Variants in FMNL2 observed in about 807,000 individuals in gnomAD.
FMNL2 encodes formin-like protein 2.
FMNL2 carries 51 observed loss-of-function variants against 130.2 expected under a neutral mutation model. That is an observed-to-expected ratio of 0.39 (90% confidence interval 0.31 to 0.49). The LOEUF is 0.49. Among genes scored for constraint, FMNL2 ranks in the 20% least tolerant of loss-of-function variants. The probability of loss-of-function intolerance (pLI) is 0.85; values close to 1 mark genes in which losing one functional copy is unlikely to be tolerated. For synonymous variants in FMNL2, 465 were observed against 467.1 expected, an observed-to-expected ratio of 1.00 and a Z score of 0.06; for missense variants, 977 against 1,316.2, an observed-to-expected ratio of 0.74 and a Z score of 3.99.
intron 1 of FMNL2, among the ~76,000 whole-genome samples, chr2:152,455,571 G>C (rs1558877627): frequency 6.6e-6 from 1 of 152,088 alleles, no homozygotes; most frequent in African/African-American, 2.4e-5. Flanking sequence ...CCACAGGCTG[G>C]GTGCTGTACT....
rs143386277 is a variant in FMNL2 at position 152,531,171 on chromosome 2, G to A, written c.201+9145G>A. 4.9e-3 allele frequency among the ~76,000 whole-genome samples: 742 copies of A among 152,262 alleles called. 5 individuals are homozygous for A. The highest frequency in any genetic ancestry group is 0.017 in the African/African-American group (717 of 41,540). ...ATATATGTACCCATATTTTCAGATAGAGTATAACTTCAAGTCAGTCTAAAA... is the reference window on the plus strand; with the variant it reads ...ATATATGTACCCATATTTTCAGATAAAGTATAACTTCAAGTCAGTCTAAAA... On this transcript the variant is annotated intron_variant, in intron 2 of 25. Coordinates refer to ENST00000288670, the MANE Select transcript of FMNL2 (RefSeq NM_052905.4).
intron 23 of FMNL2, among the ~76,000 whole-genome samples, chr2:152,639,443 C>A (rs2105962721): frequency 6.6e-6 from 1 of 152,328 alleles, no homozygotes; most frequent in East Asian, 1.9e-4. Flanking sequence ...TATTCACTTT[C>A]TTCTAGATTC....
At chr2:152,396,777 A>G (rs767674454) in intron 1 of FMNL2, among the ~76,000 whole-genome samples, 1 of 152,218 alleles carries the variant, frequency 6.6e-6, no homozygotes, top group South Asian at 2.1e-4. Flanking sequence ...TCTTAAATTC[A>G]TGCTCATGTG....
intron 1 of FMNL2, among the ~76,000 whole-genome samples, chr2:152,477,699 A>G (rs901187384): frequency 2.0e-5 from 3 of 152,222 alleles, no homozygotes; most frequent in Non-Finnish European, 2.9e-5. Context: ...AATTAGAACA[A>G]AACAAAACAG....
At chr2:152,401,656 TAGGTCAGTGGAGGGG>T (rs1465932863) in intron 1 of FMNL2, among the ~76,000 whole-genome samples, 2 of 152,288 alleles carry the variant, frequency 1.3e-5, no homozygotes, top group African/African-American at 4.8e-5. Flanking sequence ...GTGTGCTTGT[TAGGTCAGTGGAGGGG>T]AGGCTGTTGA....
At chr2:152,457,672 A>G (rs572193960) in intron 1 of FMNL2, among the ~76,000 whole-genome samples, 5 of 152,376 alleles carry the variant, frequency 3.3e-5, no homozygotes, top group African/African-American at 1.2e-4. Context: ...GGAACAAATT[A>G]CCACACATTT....
chr2:152,381,011 G>A (rs183267692), intron 1 of FMNL2, among the ~76,000 whole-genome samples: 58 of 152,268 alleles, frequency 3.8e-4, no homozygotes, highest in African/African-American at 1.2e-3. Flanking sequence ...GCTTTTGCTA[G>A]GTGCCTAATA....
intron 1 of FMNL2, among the ~76,000 whole-genome samples, chr2:152,438,921 T>G (rs754233202): frequency 1.3e-5 from 2 of 152,210 alleles, no homozygotes; most frequent in African/African-American, 2.4e-5. Context: ...CCGGCACTTA[T>G]GTTTCTAGTA....
intron 6 of FMNL2, among the ~76,000 whole-genome samples, chr2:152,561,901 C>G (rs546452635): frequency 1.4e-4 from 22 of 152,226 alleles, no homozygotes; most frequent in Admixed American, 5.9e-4. Context: ...ATATTTTCTC[C>G]TAAGTATTCC....
At chr2:152,351,252 C>A (rs1381750873) in intron 1 of FMNL2, among the ~76,000 whole-genome samples, 1 of 152,172 alleles carries the variant, frequency 6.6e-6, no homozygotes, top group Admixed American at 6.5e-5. Context: ...AGGTTTGTTA[C>A]ATAGGTATAC....
intron 1 of FMNL2, among the ~76,000 whole-genome samples, chr2:152,482,931 C>G (rs140019687): frequency 2.6e-5 from 4 of 152,098 alleles, no homozygotes; most frequent in Admixed American, 1.3e-4. Flanking sequence ...TAGGCAGTCT[C>G]TCCTGGGGTC....
At chr2:152,408,701 G>T (rs1686129632) in intron 1 of FMNL2, among the ~76,000 whole-genome samples, 1 of 152,072 alleles carries the variant, frequency 6.6e-6, no homozygotes, top group African/African-American at 2.4e-5. Context: ...TAAACATGCT[G>T]AGAACACTGA....
intron 1 of FMNL2, among the ~76,000 whole-genome samples, chr2:152,366,489 A>AC (rs397729767): frequency 1.2e-4 from 17 of 147,204 alleles, no homozygotes; most frequent in East Asian, 4.0e-4. Context: ...AACAACAACA[A>AC]AAAGAATGAG....
intron 1 of FMNL2, among the ~76,000 whole-genome samples, chr2:152,377,506 A>G (rs574662974): frequency 1.3e-5 from 2 of 152,226 alleles, no homozygotes; most frequent in Non-Finnish European, 2.9e-5. Flanking sequence ...TGAAACGTAA[A>G]TTAAATGTAA....
At chr2:152,638,157 G>A (rs1682778555) in intron 23 of FMNL2, among the ~76,000 whole-genome samples, 1 of 152,168 alleles carries the variant, frequency 6.6e-6, no homozygotes, top group Admixed American at 6.5e-5. Flanking sequence ...TGCTTTTAAG[G>A]ATGGGCACTC....
At chr2:152,426,871 C>A (rs1687227620) in intron 1 of FMNL2, among the ~76,000 whole-genome samples, 1 of 152,186 alleles carries the variant, frequency 6.6e-6, no homozygotes, top group South Asian at 2.1e-4. Flanking sequence ...AGAAGCCTAA[C>A]AGGTATTTGT....
At chr2:152,540,796 C>G (rs1694272178) in intron 2 of FMNL2, among the ~76,000 whole-genome samples, 1 of 151,992 alleles carries the variant, frequency 6.6e-6, no homozygotes, top group Non-Finnish European at 1.5e-5. Flanking sequence ...ACATATGTAA[C>G]TAACCTGCAC....
chr2:152,390,246 C>T, intron 1 of FMNL2: 4 of 1,452,964 alleles, frequency 2.8e-6, no homozygotes, highest in Non-Finnish European at 3.9e-6. Context: ...GGTGGACATC[C>T]AGGGGCAGCA....
intron 25 of FMNL2, among the ~76,000 whole-genome samples, chr2:152,644,818 T>C (rs941869055): frequency 6.6e-6 from 1 of 152,190 alleles, no homozygotes; most frequent in African/African-American, 2.4e-5. Flanking sequence ...AAAATGCCAC[T>C]GTTTTTAAAT....
Sources: allele counts gnomAD v4.1 joint callset (sites outside exome capture counted in the v4.1 genomes callset), GRCh38; gene constraint gnomAD v4.1.1; transcripts MANE v1.5; gene names NCBI Gene and HGNC (gene_info 2026-07-23, HGNC 2026-07-21).